SIDT1: variants seen among roughly 807,000 people sequenced by gnomAD.
The protein encoded by SIDT1 is SID1 transmembrane family member 1.
Under a neutral mutation model 107.5 loss-of-function variants are expected in SIDT1, and 101 were observed. The observed-to-expected ratio is 0.94, with a 90% confidence interval of 0.80 to 1.11. The LOEUF (loss-of-function observed/expected upper bound fraction) is 1.11. SIDT1 is among the 50% of genes least tolerant of loss of function. The pLI is 0.00. For synonymous variants in SIDT1, 395 were observed against 398.2 expected (o/e 0.99, Z 0.10); for missense variants, 1,076 against 1,058.2 (o/e 1.02, Z -0.23).
downstream of SIDT1, among the ~76,000 whole-genome samples, chr3:113,633,851 A>C (rs566167251): frequency 2.6e-5 from 4 of 152,198 alleles, no homozygotes; most frequent in Non-Finnish European, 5.9e-5. Flanking sequence ...AAGCAAAAAG[A>C]AAGCAAGCCT....
chr3:113,606,972 T>G, intron 14 of SIDT1, 69 bp from the exon 15 acceptor site: 2 of 972,764 alleles, frequency 2.1e-6, no homozygotes, highest in Non-Finnish European at 3.3e-6. Context: ...TGTCTGCTCT[T>G]TGTGTTCCTG....
intron 20 of SIDT1, among the ~76,000 whole-genome samples, chr3:113,617,106 T>C (rs546869952): frequency 4.3e-4 from 65 of 152,276 alleles, no homozygotes; most frequent in Non-Finnish European, 7.9e-4. Context: ...CTTGTGGAAG[T>C]GAAAGGGCAC....
chr3:113,627,596 T>C, intron 24 of SIDT1, 50 bp from the exon 25 acceptor site: 1 of 1,563,398 alleles, frequency 6.4e-7, no homozygotes, highest in Non-Finnish European at 8.8e-7. Flanking sequence ...CAGGACTTAG[T>C]GTGACAGTGA....
intron 3 of SIDT1, among the ~76,000 whole-genome samples, chr3:113,571,993 G>C (rs954122452): frequency 2.6e-4 from 40 of 152,316 alleles, no homozygotes; most frequent in African/African-American, 9.4e-4. Flanking sequence ...GTGGAGAATG[G>C]ATTTGAAGAG....
At chr3:113,534,837 T>G (rs1441587140) in intron 1 of SIDT1, among the ~76,000 whole-genome samples, 2 of 152,254 alleles carry the variant, frequency 1.3e-5, no homozygotes, top group Non-Finnish European at 2.9e-5. Context: ...AATTGTTGCC[T>G]TTACATTTTC....
intron 9 of SIDT1, among the ~76,000 whole-genome samples, chr3:113,588,251 C>T (rs1943883787): frequency 6.6e-6 from 1 of 152,146 alleles, no homozygotes. Context: ...GCATAGATTT[C>T]TCCAAATATA....
In SIDT1 at chr3:113,628,503, G is replaced by A. The variant is rs931003248; in HGVS notation, c.*795G>A. On this transcript the variant is annotated 3_prime_UTR_variant, in exon 25 of 25. Transcript: ENST00000264852. ...TGTCTGGCCAGCTTCAAGGCAGAAG[G>A]AAAAACAGGAAAAGCTCTTTTAACA... 1.3e-5 allele frequency: 2 copies of A among 153,012 alleles called. No homozygotes were observed. The highest frequency in any genetic ancestry group is 2.4e-5 in the African/African-American group (1 of 41,452). The allele number at this position is 153,012 out of a possible 1,614,324, so 9.5% of individuals were successfully genotyped here.
Position 113,627,638 on chromosome 3 carries a change from C to T in SIDT1, c.2422-8C>T, listed in dbSNP as rs745495334. ...ATTCCTTTCATTTCTCTGTCCCTCT[C>T]ACTTCAGGTTTTGTTAACTTTGGAT... On this transcript the variant is annotated splice_polypyrimidine_tract_variant and splice_region_variant and intron_variant, in intron 24 of 24. Coordinates refer to ENST00000264852, the MANE Select transcript of SIDT1 (RefSeq NM_017699.3). 2 of 1,613,922 alleles carry T rather than the reference C, an allele frequency of 1.2e-6. No individual in the cohort carries two copies. The highest frequency in any genetic ancestry group is 2.2e-5 in the South Asian group (2 of 91,070).
intron 1 of SIDT1, among the ~76,000 whole-genome samples, chr3:113,554,080 A>G (rs1560025550): frequency 6.6e-6 from 1 of 152,110 alleles, no homozygotes; most frequent in East Asian, 1.9e-4. Flanking sequence ...CAATGCAAAA[A>G]CTGAGGAACC....
At chr3:113,600,781 A>G (rs1944903419) in intron 10 of SIDT1, among the ~76,000 whole-genome samples, 1 of 152,254 alleles carries the variant, frequency 6.6e-6, no homozygotes. Context: ...GTTGAAAAGC[A>G]TAGATGGTAT....
Position 113,627,889 on chromosome 3 carries a change from G to A in SIDT1, c.*181G>A. On this transcript the variant is annotated 3_prime_UTR_variant, in exon 25 of 25. Transcript: ENST00000264852. ...ATTTAAACCTGCAAGAAAGGAGGCA[G>A]AAGGGGAGCCATGTTTTGAGGACAG... 1.6e-6 allele frequency: 1 copy of A among 609,936 alleles called. No homozygotes were observed. Among genetic ancestry groups the A allele is most frequent in the Non-Finnish European group, 2.9e-6 (1 of 343,158 alleles). The allele number at this position is 609,936 out of a possible 1,614,324, so 37.8% of individuals were successfully genotyped here.
chr3:113,617,410 C>T (rs1946183470), intron 20 of SIDT1, among the ~76,000 whole-genome samples: 1 of 152,220 alleles, frequency 6.6e-6, no homozygotes, highest in Admixed American at 6.5e-5. Context: ...CTACCTTCCT[C>T]CTCTGAGCCC....
At chr3:113,608,914 T>C (rs2107710873) in intron 17 of SIDT1, among the ~76,000 whole-genome samples, 1 of 152,278 alleles carries the variant, frequency 6.6e-6, no homozygotes, top group South Asian at 2.1e-4. Context: ...AGCCCCTGGC[T>C]TCGTAGTTCC....
intron 10 of SIDT1, among the ~76,000 whole-genome samples, chr3:113,597,051 CTCT>C (rs1403364391): frequency 2.0e-5 from 3 of 152,176 alleles, no homozygotes; most frequent in Non-Finnish European, 4.4e-5. Context: ...TAGATCTCTA[CTCT>C]TCTTTTTCTA....
intron 11 of SIDT1, 46 bp from the exon 12 acceptor site, chr3:113,602,959 A>C: frequency 6.2e-7 from 1 of 1,602,906 alleles, no homozygotes; most frequent in East Asian, 2.2e-5. Context: ...TGGGCTCCGT[A>C]GGCTCTCCAC....
At chr3:113,540,723 A>G (rs1300158090) in intron 1 of SIDT1, among the ~76,000 whole-genome samples, 2 of 152,170 alleles carry the variant, frequency 1.3e-5, no homozygotes, top group Non-Finnish European at 2.9e-5. Context: ...CTCTTCCTCT[A>G]CAAGTAACCA....
At chr3:113,636,336 G>A in the SIDT1 span, among the ~76,000 whole-genome samples, 1 of 152,144 alleles carries the variant, frequency 6.6e-6, no homozygotes, top group Non-Finnish European at 1.5e-5. Context: ...CCAGGAGGTG[G>A]AGGTTGCAGA....
downstream of SIDT1, among the ~76,000 whole-genome samples, chr3:113,632,093 T>A (rs1386079280): frequency 6.6e-6 from 1 of 152,162 alleles, no homozygotes; most frequent in African/African-American, 2.4e-5. Context: ...CTTGAAGTCA[T>A]GTTACATTTC....
At chr3:113,559,934 G>C (rs1437171588) in intron 1 of SIDT1, among the ~76,000 whole-genome samples, 1 of 152,058 alleles carries the variant, frequency 6.6e-6, no homozygotes, top group East Asian at 1.9e-4. Flanking sequence ...TTTCATAGTA[G>C]AATAATAGAT....
Sources: allele counts gnomAD v4.1 joint callset (sites outside exome capture counted in the v4.1 genomes callset), GRCh38; gene constraint gnomAD v4.1.1; transcripts MANE v1.5; gene names NCBI Gene and HGNC (gene_info 2026-07-23, HGNC 2026-07-21).